Variants in ZNF841 observed in about 807,000 individuals in gnomAD.
The protein encoded by ZNF841 is TCONS_00006091.
Under a neutral mutation model 13.0 loss-of-function variants are expected in ZNF841, and 11 were observed. The observed-to-expected ratio is 0.85, with a 90% CI of 0.53 to 1.40. The LOEUF is 1.40. ZNF841 is among the 40% of genes most tolerant of loss of function. ZNF841 has a pLI of 0.00. For synonymous variants in ZNF841, 369 were observed against 381.6 expected (o/e 0.97, Z 0.38); for missense variants, 1,068 against 1,139.5 (o/e 0.94, Z 0.90).
At chr19:52,068,244 A>G (rs1292181898) in intron 6 of ZNF841, among the ~76,000 whole-genome samples, 1 of 152,196 alleles carries the variant, frequency 6.6e-6, no homozygotes, top group Non-Finnish European at 1.5e-5. Context: ...TTAAAGATAA[A>G]AGAAAGGTAA....
intron 6 of ZNF841, among the ~76,000 whole-genome samples, chr19:52,073,084 CA>C (rs1174847829): frequency 3.3e-5 from 5 of 149,876 alleles, no homozygotes; most frequent in African/African-American, 9.8e-5. Flanking sequence ...CCTTGATAGT[CA>C]AAAAAAAATT....
Position 52,067,610 on chromosome 19 carries a change from C to A in ZNF841, c.272G>T (p.Gly91Val), listed in dbSNP as rs1461460548. The A allele has an allele frequency of 2.0e-6, 3 of 1,486,332 alleles. No homozygotes were observed. The highest frequency in any genetic ancestry group is 2.7e-6 in the Non-Finnish European group (3 of 1,120,206). The allele number at this position is 1,486,332 out of a possible 1,614,324, so 92.1% of individuals were successfully genotyped here. A position where few individuals can be genotyped will look rare whatever the true frequency, so the allele number is the denominator to read the frequency against. The change falls in exon 7 of 7, where the codon GGT becomes GTT. Residue 91 changes from glycine to valine, a missense_variant and splice_region_variant. Physicochemically the swap from Gly to Val is moderately radical, Grantham distance 109. Coordinates refer to ENST00000594440, the MANE Select transcript of ZNF841 (RefSeq NM_001136499.2). ...CTTGATCACACATTTAGGAGAGATA[C>A]CTGCAAAATATAATGAACATGGGGT... ...CGECMKGVIT[G>V]ISPKCVIKEL...
At chr19:52,064,347 C>T (rs1470138773), downstream of ZNF841, 3 of 76,316 alleles carry the variant, frequency 3.9e-5, no homozygotes, top group Non-Finnish European at 5.0e-5. Context: ...AGCGAGACTC[C>T]GTCTCCAAAA....
At chr19:52,070,741 C>G (rs985439955) in intron 6 of ZNF841, among the ~76,000 whole-genome samples, 1 of 152,110 alleles carries the variant, frequency 6.6e-6, no homozygotes, top group Non-Finnish European at 1.5e-5. Flanking sequence ...GAATAACGAA[C>G]GGTATCTGAG....
intron 4 of ZNF841, among the ~76,000 whole-genome samples, 175 bp downstream of exon 4, chr19:52,084,612 G>A (rs931432378): frequency 6.6e-6 from 1 of 152,158 alleles, no homozygotes. Context: ...ATGTCACTGA[G>A]TCACTGTGAG....
At chr19:52,090,643 G>GA in intron 2 of ZNF841, among the ~76,000 whole-genome samples, 1 of 115,548 alleles carries the variant, frequency 8.7e-6, no homozygotes, top group East Asian at 2.7e-4. Context: ...AGGAAGGAAG[G>GA]AAGGAAGGAA....
chr19:52,083,499 T>C (rs960778440), intron 4 of ZNF841, among the ~76,000 whole-genome samples: 1 of 152,122 alleles, frequency 6.6e-6, no homozygotes. Flanking sequence ...ATTCTTTGTA[T>C]TTCCATTTTC....
chr19:52,088,395 T>C (rs2088361293), intron 3 of ZNF841, among the ~76,000 whole-genome samples: 1 of 152,182 alleles, frequency 6.6e-6, no homozygotes, highest in Non-Finnish European at 1.5e-5. Context: ...AGATGAACCA[T>C]GTACCCTAAT....
chr19:52,076,243 G>T, intron 5 of ZNF841, 71 bp from the exon 6 acceptor site: 1 of 1,498,194 alleles, frequency 6.7e-7, no homozygotes, highest in Non-Finnish European at 8.9e-7. Context: ...AGGTAGAAGA[G>T]AAAACACTGC....
chr19:52,091,420 A>T (rs1277544691), intron 2 of ZNF841, among the ~76,000 whole-genome samples: 1 of 152,248 alleles, frequency 6.6e-6, no homozygotes, highest in Non-Finnish European at 1.5e-5. Flanking sequence ...TGCTAGAGGC[A>T]TCATACTTTC....
chr19:52,083,683 T>A (rs368370467), intron 4 of ZNF841, among the ~76,000 whole-genome samples: 2 of 152,240 alleles, frequency 1.3e-5, no homozygotes, highest in South Asian at 4.1e-4. Context: ...TGAAGGGTGT[T>A]CTTGATGCCC....
At chr19:52,094,874 G>C (rs1005612509) in intron 1 of ZNF841, among the ~76,000 whole-genome samples, 6 of 151,858 alleles carry the variant, frequency 4.0e-5, no homozygotes, top group Admixed American at 3.3e-4. Context: ...AAATTTCTCT[G>C]TGTGCTTTTC....
chr19:52,064,566 A>G lies in ZNF841; in HGVS notation c.*541T>C, dbSNP rs975384608. Reference sequence around the variant, plus strand: ...TCTCGGGAAACCTGAGGAAGGTTAAAATGATGGTGGGAGGTGAAGGGCATG... The same window carrying G: ...TCTCGGGAAACCTGAGGAAGGTTAAGATGATGGTGGGAGGTGAAGGGCATG... On this transcript the variant is annotated 3_prime_UTR_variant, in exon 7 of 7. Coordinates refer to ENST00000594440, the MANE Select transcript of ZNF841 (RefSeq NM_001136499.2). 2 of 153,662 alleles carry G rather than the reference A, an allele frequency of 1.3e-5. No homozygotes were observed. Among genetic ancestry groups the G allele is most frequent in the African/African-American group, 2.4e-5 (1 of 41,378 alleles). The allele number at this position is 153,662 out of a possible 1,614,324, so 9.5% of individuals were successfully genotyped here. A position where few individuals can be genotyped will look rare whatever the true frequency, so the allele number is the denominator to read the frequency against.
intron 4 of ZNF841, among the ~76,000 whole-genome samples, chr19:52,081,063 C>T (rs750446198): frequency 3.3e-5 from 5 of 152,164 alleles, no homozygotes; most frequent in East Asian, 1.9e-4. Context: ...ATGGGGATCA[C>T]CCTCAGTATA....
chr19:52,066,376 C>CAT lies in ZNF841; in HGVS notation c.1505_1506insAT (p.His503CysfsTer27). 1 of 1,613,250 alleles carries CAT rather than the reference C, an allele frequency of 6.2e-7. No homozygotes were observed. Reference sequence around the variant, plus strand: ...TCTCTCCAGTATGAACTCTCTGATGCACTGCAAGATGTGAATGTTGACTGA... The same window carrying CAT: ...TCTCTCCAGTATGAACTCTCTGATGCATACTGCAAGATGTGAATGTTGACTGA... On this transcript the variant is annotated frameshift_variant, in exon 7 of 7. Transcript: ENST00000594440. LOFTEE classifies it low-confidence loss of function (END_TRUNC).
chr19:52,062,885 T>C (rs1392048523), downstream of ZNF841, among the ~76,000 whole-genome samples: 1 of 149,886 alleles, frequency 6.7e-6, no homozygotes, highest in African/African-American at 2.5e-5. Flanking sequence ...TTTTTTTTTT[T>C]TTTTTTTTGA....
chr19:52,083,965 CA>C (rs1179862576), intron 4 of ZNF841, among the ~76,000 whole-genome samples: 1 of 151,498 alleles, frequency 6.6e-6, no homozygotes, highest in Admixed American at 6.6e-5. Context: ...ACTTTTACCA[CA>C]AAACAAATAT....
intron 4 of ZNF841, among the ~76,000 whole-genome samples, chr19:52,082,304 AG>A (rs2088125895): frequency 6.6e-6 from 1 of 152,270 alleles, no homozygotes; most frequent in Admixed American, 6.5e-5. Context: ...GTATAAAAAA[AG>A]AACCAACAAA....
rs1477128844 is a variant in ZNF841 at position 52,093,959 on chromosome 19, A to C, written c.-257T>G. On this transcript the variant is annotated 5_prime_UTR_variant, in exon 2 of 7. Transcript: ENST00000594440. ...AGCTGCAGTGAGCCGAGATCATGCC[A>C]CTGCTCTCCAGCCTAGGCGGCAGAG... is the stretch of plus-strand genomic sequence containing the variant. 1 of 152,126 alleles carries C rather than the reference A, an allele frequency of 6.6e-6. No individual in the cohort carries two copies. Among genetic ancestry groups the C allele is most frequent in the Non-Finnish European group, 1.5e-5 (1 of 68,064 alleles). The allele number at this position is 152,126 out of a possible 1,614,324, so 9.4% of individuals were successfully genotyped here.
Sources: gnomAD v4.1 joint callset for allele counts (sites outside exome capture counted in the v4.1 genomes callset) on GRCh38, gnomAD v4.1.1 for gene constraint, MANE v1.5 for transcripts, NCBI Gene and HGNC (gene_info 2026-07-23, HGNC 2026-07-21) for gene names.